The following ACSM1 variants were observed in gnomAD, a reference collection of about 807,000 sequenced individuals.
ACSM1 encodes the protein acyl-CoA synthetase medium chain family member 1.
Under a neutral mutation model 75.8 loss-of-function variants are expected in ACSM1, and 79 were observed. The observed-to-expected ratio is 1.04, with a 90% CI of 0.87 to 1.26. The LOEUF is 1.26. Among genes scored for constraint, ACSM1 ranks in the 50% most tolerant of loss-of-function variants. ACSM1 has a pLI of 0.00. For missense variants in ACSM1, 676 were observed against 720.1 expected (o/e 0.94, Z 0.70); for synonymous variants, 279 against 265.8 (o/e 1.05, Z -0.48).
intron 12 of ACSM1, among the ~76,000 whole-genome samples, 166 bp from the exon 13 acceptor site, chr16:20,624,381 T>G (rs1480970135): frequency 6.6e-6 from 1 of 152,244 alleles, no homozygotes; most frequent in African/African-American, 2.4e-5. Flanking sequence ...TCCCACTCCA[T>G]GCCTTGAAAA....
intron 10 of ACSM1, among the ~76,000 whole-genome samples, chr16:20,631,707 C>A (rs553465835): frequency 2.0e-4 from 31 of 152,284 alleles, no homozygotes; most frequent in African/African-American, 6.7e-4. Flanking sequence ...GAAATCATGT[C>A]TTTCGTGGCA....
chr16:20,683,784 G>T (rs2152315225), intron 3 of ACSM1, among the ~76,000 whole-genome samples: 1 of 150,630 alleles, frequency 6.6e-6, no homozygotes, highest in South Asian at 2.1e-4. Flanking sequence ...TGGCCAGGAT[G>T]GTCTCGATCT....
intron 7 of ACSM1, among the ~76,000 whole-genome samples, chr16:20,647,810 T>C (rs897240537): frequency 1.3e-5 from 2 of 152,222 alleles, no homozygotes; most frequent in Non-Finnish European, 2.9e-5. Flanking sequence ...TCCTCTGGAA[T>C]GTGTCTAGAC....
At chr16:20,637,056 G>A (rs1347268210) in intron 9 of ACSM1, 5 of 740,002 alleles carry the variant, frequency 6.8e-6, no homozygotes, top group Non-Finnish European at 2.5e-6. Flanking sequence ...TGTCACCAAT[G>A]TGTCTTCAAG....
chr16:20,623,522 C>T lies in ACSM1; in HGVS notation c.1698G>A (p.Arg566=). 6.2e-7 allele frequency: 1 copy of T among 1,614,156 alleles called. No homozygotes were observed. Among genetic ancestry groups the T allele is most frequent in the Non-Finnish European group, 8.5e-7 (1 of 1,180,012 alleles). The change falls in exon 14 of 14, where the codon CGG becomes CGA. Residue 566 remains arginine, a synonymous_variant. Coordinates refer to ENST00000520010, the MANE Select transcript of ACSM1 (RefSeq NM_001318890.3). ...CAGTCTCCTTTTTCCGAAGTTCCTT[C>T]CGTTCAATCTTGCCAGTGATGGTTT... ...LPKTITGKIE[R]KELRKKETGQ...
chr16:20,627,268 T>G lies in ACSM1; in HGVS notation c.1348A>C (p.Thr450Pro), dbSNP rs1238275143. The G allele has an allele frequency of 6.3e-7, 1 of 1,590,008 alleles. No homozygotes were observed. The highest frequency in any genetic ancestry group is 8.5e-7 in the Non-Finnish European group (1 of 1,170,212). The change falls in exon 11 of 14, where the codon ACT becomes CCT. Residue 450 changes from threonine to proline, a missense_variant. Coordinates refer to ENST00000520010, the MANE Select transcript of ACSM1 (RefSeq NM_001318890.3). ...TCATCCATCTTACCTCTGTCCCCAG[T>G]GTTGTAGAAGTCCCCACATTCCACT... ...AKVECGDFYN[T>P]GDRGKMDEEG...
chr16:20,697,465 T>C lies in ACSM1; in HGVS notation c.-52+171A>G, dbSNP rs187125875. On this transcript the variant is annotated intron_variant, in intron 1 of 13. Transcript: ENST00000520010. ...CTCTCACCCAATATCACCATTGTCATTTTGCCTCTAAAATGAAGTGCCAAG... is the reference window on the plus strand; with the variant it reads ...CTCTCACCCAATATCACCATTGTCACTTTGCCTCTAAAATGAAGTGCCAAG... Among the ~76,000 whole-genome samples, 3 of 152,024 alleles carry C rather than the reference T, an allele frequency of 2.0e-5. No homozygotes were observed. In the East Asian group the frequency reaches 5.8e-4, roughly 30 times the overall value.
chr16:20,627,400 A>T, intron 10 of ACSM1, 84 bp from the exon 11 acceptor site: 1 of 1,435,640 alleles, frequency 7.0e-7, no homozygotes, highest in African/African-American at 1.5e-5. Flanking sequence ...TCTGGGTTTG[A>T]ATTCTGCCTC....
intron 6 of ACSM1, among the ~76,000 whole-genome samples, chr16:20,665,648 C>T (rs1376346582): frequency 2.0e-5 from 3 of 152,086 alleles, no homozygotes; most frequent in Non-Finnish European, 4.4e-5. Context: ...AGCCAGAATG[C>T]TTTTGGCACC....
At chr16:20,639,951 C>T (rs1335541514) in intron 8 of ACSM1, among the ~76,000 whole-genome samples, 2 of 152,162 alleles carry the variant, frequency 1.3e-5, no homozygotes, top group Middle Eastern at 3.2e-3. Flanking sequence ...AACTACATGC[C>T]TCCGCCACAA....
At chr16:20,665,716 C>T (rs10400933) in intron 6 of ACSM1, among the ~76,000 whole-genome samples, 2,659 of 152,192 alleles carry the variant, frequency 0.017, 65 homozygotes, top group African/African-American at 0.058. Flanking sequence ...CCCTGATAAA[C>T]GTAGATGCAA....
intron 1 of ACSM1, among the ~76,000 whole-genome samples, chr16:20,691,448 T>C (rs2079651017): frequency 6.6e-6 from 1 of 152,144 alleles, no homozygotes; most frequent in South Asian, 2.1e-4. Context: ...TAGCTACTAT[T>C]ATGGGTTTGG....
chr16:20,628,746 T>C (rs2017151578), intron 10 of ACSM1, among the ~76,000 whole-genome samples: 1 of 152,196 alleles, frequency 6.6e-6, no homozygotes, highest in Non-Finnish European at 1.5e-5. Context: ...CTATGTACAT[T>C]TGCATACATG....
intron 7 of ACSM1, among the ~76,000 whole-genome samples, chr16:20,650,548 C>T (rs1460524326): frequency 6.6e-6 from 1 of 151,904 alleles, no homozygotes; most frequent in Non-Finnish European, 1.5e-5. Context: ...GAGAGAAACC[C>T]AGACACCTAG....
intron 5 of ACSM1, among the ~76,000 whole-genome samples, chr16:20,670,469 T>C (rs2019835839): frequency 6.6e-6 from 1 of 152,220 alleles, no homozygotes. Context: ...TCTAATTTTC[T>C]CCAATCCATC....
chr16:20,627,145 C>T (rs1173011839), intron 11 of ACSM1, 44 bp downstream of exon 11: 2 of 1,488,108 alleles, frequency 1.3e-6, no homozygotes, highest in South Asian at 1.5e-5. Context: ...TTCCGTGAGG[C>T]ATGTGACGGC....
intron 12 of ACSM1, among the ~76,000 whole-genome samples, chr16:20,624,935 G>T (rs1292983448): frequency 6.6e-6 from 1 of 151,744 alleles, no homozygotes; most frequent in Non-Finnish European, 1.5e-5. Flanking sequence ...TGGCCAGCCT[G>T]GTCTTGAACT....
chr16:20,674,899 AC>A (rs2020173281), intron 4 of ACSM1: 1 of 152,258 alleles, frequency 6.6e-6, no homozygotes, highest in Non-Finnish European at 1.5e-5. Flanking sequence ...CCAGGGACCA[AC>A]CACTCATCCA....
At chr16:20,680,930 G>A (rs1292113970) in intron 4 of ACSM1, 1 of 152,176 alleles carries the variant, frequency 6.6e-6, no homozygotes, top group Non-Finnish European at 1.5e-5. Flanking sequence ...TTCCTCTAAA[G>A]CAAGGGGAAC....
Sources: allele counts gnomAD v4.1 joint callset (sites outside exome capture counted in the v4.1 genomes callset), GRCh38; gene constraint gnomAD v4.1.1; transcripts MANE v1.5; gene names NCBI Gene and HGNC (gene_info 2026-07-23, HGNC 2026-07-21).